The following FBXL17 variants were observed in gnomAD, a reference collection of about 807,000 sequenced individuals.
The protein encoded by FBXL17 is F-box and leucine rich repeat protein 17.
FBXL17 carries 22 observed loss-of-function variants against 66.2 expected under a neutral mutation model. That is an observed-to-expected ratio of 0.33 (90% CI 0.24 to 0.47). The LOEUF (loss-of-function observed/expected upper bound fraction) is 0.47. Ranked by LOEUF, FBXL17 falls within the 20% of genes least tolerant of loss-of-function variation. FBXL17 has a pLI of 1.00. For missense variants in FBXL17, 878 were observed against 948.2 expected (o/e 0.93, Z 0.97); for synonymous variants, 474 against 400.5 (o/e 1.18, Z -2.19).
rs190399818 is a variant in FBXL17 at position 108,317,439 on chromosome 5, T to C, written c.1506+30960A>G. Among the ~76,000 whole-genome samples the C allele has an allele frequency of 5.3e-5, 8 of 150,992 alleles. No homozygotes were observed. In the East Asian group the frequency reaches 1.5e-3, roughly 29 times the overall value. Reference sequence around the variant, plus strand: ...ACTACCCTGATTTGATCATTACACATTGCATGCAGGTATCAAAAAAACCAC... The same window carrying C: ...ACTACCCTGATTTGATCATTACACACTGCATGCAGGTATCAAAAAAACCAC... On this transcript the variant is annotated intron_variant, in intron 4 of 8. Transcript: ENST00000542267.
At chr5:108,075,720 G>A (rs937899706) in intron 6 of FBXL17, among the ~76,000 whole-genome samples, 5 of 152,100 alleles carry the variant, frequency 3.3e-5, no homozygotes, top group Non-Finnish European at 5.9e-5. Flanking sequence ...CAGGTGATCT[G>A]CCCGCCTCGG....
chr5:108,111,701 T>C lies in FBXL17; in HGVS notation c.1745+74416A>G, dbSNP rs536102414. On this transcript the variant is annotated intron_variant, in intron 6 of 8. Coordinates refer to ENST00000542267, the MANE Select transcript of FBXL17 (RefSeq NM_001163315.3). ...GTCAGTGTAAAAAACTGTCTGTACA[T>C]GCTAGCTTTTTCAACTAGGCTACGG... Among the ~76,000 whole-genome samples, 22 of 152,326 alleles carry C rather than the reference T, an allele frequency of 1.4e-4. 1 individual carries two copies. Among genetic ancestry groups the C allele is most frequent in the South Asian group, 8.3e-4 (4 of 4,820 alleles).
chr5:108,053,469 T>G (rs1019565811), intron 6 of FBXL17, among the ~76,000 whole-genome samples: 2 of 151,700 alleles, frequency 1.3e-5, no homozygotes, highest in African/African-American at 4.8e-5. Flanking sequence ...GCCACTGCAC[T>G]CCAACCTAGA....
At chr5:108,043,930 T>C (rs199514325) in intron 6 of FBXL17, among the ~76,000 whole-genome samples, 4 of 152,198 alleles carry the variant, frequency 2.6e-5, no homozygotes, top group African/African-American at 9.6e-5. Context: ...TTTTCATTGG[T>C]TTACTTCTTT....
intron 6 of FBXL17, among the ~76,000 whole-genome samples, chr5:108,108,700 T>C (rs1749906240): frequency 6.6e-6 from 1 of 152,126 alleles, no homozygotes; most frequent in Non-Finnish European, 1.5e-5. Context: ...CCTGGATCTG[T>C]GTCCTTACTT....
At chr5:108,340,118 C>A in intron 4 of FBXL17, among the ~76,000 whole-genome samples, 1 of 148,366 alleles carries the variant, frequency 6.7e-6, no homozygotes. Context: ...TCCTGCCAAG[C>A]TATGTGATTA....
At chr5:107,916,377 TG>T (rs1448841945) in intron 7 of FBXL17, among the ~76,000 whole-genome samples, 1 of 152,180 alleles carries the variant, frequency 6.6e-6, no homozygotes, top group African/African-American at 2.4e-5. Context: ...TACTTGAGCA[TG>T]GGGGTAGGGG....
At chr5:108,267,891 G>A (rs1457400309) in intron 4 of FBXL17, among the ~76,000 whole-genome samples, 2 of 151,976 alleles carry the variant, frequency 1.3e-5, no homozygotes, top group East Asian at 1.9e-4. Context: ...CAATGTTCAC[G>A]CCTATTTTGT....
intron 4 of FBXL17, among the ~76,000 whole-genome samples, chr5:108,293,318 T>C (rs1213912447): frequency 1.3e-5 from 2 of 152,172 alleles, no homozygotes; most frequent in Non-Finnish European, 2.9e-5. Context: ...TAGTGGCCTA[T>C]TCACAAGAAA....
At chr5:107,944,782 T>C (rs1751225502) in intron 7 of FBXL17, among the ~76,000 whole-genome samples, 1 of 152,116 alleles carries the variant, frequency 6.6e-6, no homozygotes, top group African/African-American at 2.4e-5. Flanking sequence ...TTTAAAAGAC[T>C]ATTGGATTCA....
chr5:107,956,032 T>C (rs1751652519), intron 7 of FBXL17, among the ~76,000 whole-genome samples: 1 of 152,110 alleles, frequency 6.6e-6, no homozygotes, highest in South Asian at 2.1e-4. Flanking sequence ...AGGAAGAAAG[T>C]GGACACAGAA....
At chr5:108,052,112 CAAAAAA>C (rs144705189) in intron 6 of FBXL17, among the ~76,000 whole-genome samples, 16 of 102,188 alleles carry the variant, frequency 1.6e-4, no homozygotes, top group Admixed American at 6.8e-4. Flanking sequence ...GACTTCGTCT[CAAAAAA>C]AAAAAAAAAA....
rs531664126 is a variant in FBXL17, at chr5:108,113,500, G to A, written c.1745+72617C>T. On this transcript the variant is annotated intron_variant, in intron 6 of 8. Transcript: ENST00000542267. ...TCGAGAATGGAAGGAAATATGAATG[G>A]GGGTAATAAATGTGAGCAAATCCAG... is the stretch of plus-strand genomic sequence containing the variant. Among the ~76,000 whole-genome samples, 4 of 152,012 alleles carry A rather than the reference G, an allele frequency of 2.6e-5. No homozygotes were observed. In the East Asian group the frequency reaches 7.7e-4, roughly 29 times the overall value.
chr5:108,233,436 G>A (rs1187591323), intron 4 of FBXL17, among the ~76,000 whole-genome samples: 1 of 152,154 alleles, frequency 6.6e-6, no homozygotes, highest in East Asian at 1.9e-4. Flanking sequence ...GGAAAACCAG[G>A]CAATAGGTAA....
chr5:108,179,322 C>T (rs185406049), intron 6 of FBXL17, among the ~76,000 whole-genome samples: 96 of 152,090 alleles, frequency 6.3e-4, no homozygotes, highest in African/African-American at 2.1e-3. Flanking sequence ...TATAAAGCCA[C>T]GTTGAGTTTT....
intron 7 of FBXL17, among the ~76,000 whole-genome samples, chr5:108,012,504 C>A (rs1355008154): frequency 2.0e-5 from 3 of 152,068 alleles, no homozygotes; most frequent in East Asian, 3.9e-4. Context: ...ACAAATATGG[C>A]TGTCTGGATT....
Position 108,211,355 on chromosome 5 carries a change from C to T in FBXL17, c.1614+12766G>A, listed in dbSNP as rs190376511. Among the ~76,000 whole-genome samples the T allele has an allele frequency of 1.5e-4, 23 of 152,138 alleles. No individual in the cohort carries two copies. In the East Asian group the frequency reaches 2.3e-3, roughly 15 times the overall value. On this transcript the variant is annotated intron_variant, in intron 5 of 8. Transcript: ENST00000542267. ...AGGTTAATACTGTTATGTGTGAATT[C>T]GATCCTGTCATTATGATGCTAGCTG...
intron 7 of FBXL17, among the ~76,000 whole-genome samples, chr5:107,930,698 T>G (rs17160744): frequency 0.031 from 4,677 of 152,302 alleles, 216 homozygotes; most frequent in African/African-American, 0.11. Context: ...GAATAGAGGA[T>G]CTAGCAGGTT....
intron 7 of FBXL17, among the ~76,000 whole-genome samples, chr5:107,940,634 C>T (rs183903544): frequency 2.6e-5 from 4 of 152,170 alleles, no homozygotes; most frequent in African/African-American, 9.6e-5. Context: ...TGGGCGTGTA[C>T]AGGAGAGTAG....
Sources: gnomAD v4.1 joint callset for allele counts (sites outside exome capture counted in the v4.1 genomes callset) on GRCh38, gnomAD v4.1.1 for gene constraint, MANE v1.5 for transcripts, NCBI Gene and HGNC (gene_info 2026-07-23, HGNC 2026-07-21) for gene names.